The following RAP1GAP2 variants were observed in gnomAD, a reference collection of about 807,000 sequenced individuals.
The protein encoded by RAP1GAP2 is RAP1 GTPase activating protein 2.
A neutral mutation model predicts 95.0 loss-of-function variants in RAP1GAP2; 27 were observed. That is an observed-to-expected ratio of 0.28 (90% confidence interval 0.21 to 0.39). RAP1GAP2 has a LOEUF of 0.39. Ranked by LOEUF, RAP1GAP2 falls within the 10% of genes least tolerant of loss-of-function variation. The pLI is 1.00. For synonymous variants in RAP1GAP2, 373 were observed against 380.9 expected (o/e 0.98, Z 0.24); for missense variants, 771 against 970.0 (o/e 0.79, Z 2.72).
At chr17:2,820,879 G>T (rs1477128551) in intron 2 of RAP1GAP2, among the ~76,000 whole-genome samples, 5 of 32 alleles carry the variant, frequency 0.16, no homozygotes, top group South Asian at 0.5. Context: ...CCGCCACCAC[G>T]GCCCGGATAA....
rs191737895 is a variant in RAP1GAP2 at position 2,867,453 on chromosome 17, C to T, written c.81-37831C>T. On this transcript the variant is annotated intron_variant, in intron 2 of 24. Transcript: ENST00000254695. This position sits in a 1 kb window ranked among gnomAD's most constrained non-coding sequence, Gnocchi z 4.5. The stretch of plus-strand genomic sequence containing the variant: ...CAGGTACCTTATCCACGAAGATGGA[C>T]GATGGCTGCCCTGGGCTGACCTTCT... Among the ~76,000 whole-genome samples the T allele has an allele frequency of 1.9e-4, 29 of 150,866 alleles. No individual in the cohort carries two copies. The East Asian group carries it at 4.1e-3, about 21-fold the overall frequency.
Position 2,903,676 on chromosome 17 carries a change from A to T in RAP1GAP2, c.81-1608A>T, listed in dbSNP as rs1020922745. On this transcript the variant is annotated intron_variant, in intron 2 of 24. Coordinates refer to ENST00000254695, the MANE Select transcript of RAP1GAP2 (RefSeq NM_015085.5). This position sits in a 1 kb window ranked among gnomAD's most constrained non-coding sequence, Gnocchi z 4.1. ...GCAGGAGACAGGGATTGCCAGGTTC[A>T]GGTTAATGGGGTGGAATGGATTCTC... Among the ~76,000 whole-genome samples the T allele has an allele frequency of 6.6e-6, 1 of 152,246 alleles. No individual in the cohort carries two copies. The highest frequency in any genetic ancestry group is 1.9e-4 in the East Asian group (1 of 5,188).
chr17:2,783,564 A>G (rs932695502), intron 1 of RAP1GAP2, among the ~76,000 whole-genome samples: 2 of 152,184 alleles, frequency 1.3e-5, no homozygotes, highest in East Asian at 1.9e-4. Flanking sequence ...GAGTGGCAGG[A>G]GCACAGGCTC....
Position 2,797,714 on chromosome 17 carries a change from G to A in RAP1GAP2, c.44+1143G>A. 1 of 985,398 alleles carries A rather than the reference G, an allele frequency of 1.0e-6. No individual in the cohort carries two copies. Among genetic ancestry groups the A allele is most frequent in the African/African-American group, 1.7e-5 (1 of 57,338 alleles). 61.0% of individuals were successfully genotyped at this position (985,398 alleles called of 1,614,324 possible). On this transcript the variant is annotated intron_variant, in intron 1 of 24. Coordinates refer to ENST00000254695, the MANE Select transcript of RAP1GAP2 (RefSeq NM_015085.5). The surrounding 1 kb of genome is among the most constrained non-coding windows in gnomAD (Gnocchi z 5.6). ...ATGGGATGGTGCGGATGAGAAGATG[G>A]CACAGCGTCGCCTGTGTCTGCTCTC...
chr17:2,938,572 C>T (rs560923119), intron 3 of RAP1GAP2, among the ~76,000 whole-genome samples: 4 of 152,256 alleles, frequency 2.6e-5, no homozygotes, highest in South Asian at 4.1e-4. Flanking sequence ...CCCAGCCATT[C>T]GCTATCTTTA....
chr17:2,958,537 C>T (rs947123307), intron 4 of RAP1GAP2, among the ~76,000 whole-genome samples: 6 of 151,956 alleles, frequency 3.9e-5, no homozygotes, highest in African/African-American at 1.5e-4. Flanking sequence ...GATTGACAGG[C>T]GTCATTTCTT....
At chr17:2,774,392 C>T (rs915543756), upstream of RAP1GAP2, among the ~76,000 whole-genome samples, 1 of 152,020 alleles carries the variant, frequency 6.6e-6, no homozygotes. Flanking sequence ...CAGGTGTCCC[C>T]CTTGAACAGC....
intron 1 of RAP1GAP2, among the ~76,000 whole-genome samples, chr17:2,766,241 T>C (rs138890153): frequency 9.5e-4 from 145 of 152,290 alleles, no homozygotes; most frequent in African/African-American, 3.3e-3. Flanking sequence ...GTCCTTGTTA[T>C]GAACTGAATG....
At chr17:2,879,249 A>G (rs945511585) in intron 2 of RAP1GAP2, among the ~76,000 whole-genome samples, 1 of 151,474 alleles carries the variant, frequency 6.6e-6, no homozygotes, top group Non-Finnish European at 1.5e-5. Flanking sequence ...CCAAGTATCT[A>G]GTTTTACAGG....
At chr17:2,833,476 G>T (rs1351457086) in intron 2 of RAP1GAP2, among the ~76,000 whole-genome samples, 1 of 151,884 alleles carries the variant, frequency 6.6e-6, no homozygotes, top group Non-Finnish European at 1.5e-5. Flanking sequence ...AAGTGCCGAG[G>T]TCAGGAGATC....
intron 2 of RAP1GAP2, among the ~76,000 whole-genome samples, chr17:2,861,587 C>T (rs1372116781): frequency 6.6e-6 from 1 of 151,612 alleles, no homozygotes; most frequent in Non-Finnish European, 1.5e-5. Flanking sequence ...CCTACCTCAG[C>T]CTCCCAAGTA....
chr17:2,890,699 T>C (rs936515690), intron 2 of RAP1GAP2, among the ~76,000 whole-genome samples: 4 of 151,368 alleles, frequency 2.6e-5, no homozygotes, highest in African/African-American at 9.7e-5. Flanking sequence ...TTTTTTTTTT[T>C]TTTGAGACAG....
At chr17:2,849,408 G>A (rs1010976584) in intron 2 of RAP1GAP2, among the ~76,000 whole-genome samples, 10 of 152,194 alleles carry the variant, frequency 6.6e-5, no homozygotes, top group African/African-American at 1.4e-4. Context: ...CGAGGGGCAC[G>A]GGGATTGGGG....
Position 2,825,512 on chromosome 17 carries a change from G to C in RAP1GAP2, c.80+24962G>C, listed in dbSNP as rs1445177149. Reference sequence around the variant, plus strand: ...CTCCTATTTGTAGCCAGCCGCCTCTGTTTTAGGAGCCGGGGATCCCTTTGT... The same window carrying C: ...CTCCTATTTGTAGCCAGCCGCCTCTCTTTTAGGAGCCGGGGATCCCTTTGT... On this transcript the variant is annotated intron_variant, in intron 2 of 24. Transcript: ENST00000254695. This position sits in a 1 kb window ranked among gnomAD's most constrained non-coding sequence, Gnocchi z 4.1. Among the ~76,000 whole-genome samples the C allele has an allele frequency of 6.6e-6, 1 of 152,134 alleles. No individual in the cohort carries two copies. The highest frequency in any genetic ancestry group is 1.5e-5 in the Non-Finnish European group (1 of 68,040).
At chr17:2,954,017 G>A (rs1270302862) in intron 3 of RAP1GAP2, among the ~76,000 whole-genome samples, 1 of 152,128 alleles carries the variant, frequency 6.6e-6, no homozygotes, top group Non-Finnish European at 1.5e-5. Flanking sequence ...GCTTAAGCAA[G>A]CGCTCATCTT....
chr17:2,795,180 T>C (rs1299111496), upstream of RAP1GAP2, among the ~76,000 whole-genome samples: 1 of 151,290 alleles, frequency 6.6e-6, no homozygotes, highest in African/African-American at 2.4e-5. Flanking sequence ...ACCCGGCCTT[T>C]CTTCTTCTTC....
chr17:2,963,944 C>T lies in RAP1GAP2; in HGVS notation c.368C>T (p.Pro123Leu). The T allele has an allele frequency of 6.2e-7, 1 of 1,613,284 alleles. No individual in the cohort carries two copies. The highest frequency in any genetic ancestry group is 8.5e-7 in the Non-Finnish European group (1 of 1,179,768). Reference sequence around the variant, plus strand: ...GAGGACCCGGAGAACGTGGGCACCCCAACATCGCTGGGGAGCAGCATCTGT... The same window carrying T: ...GAGGACCCGGAGAACGTGGGCACCCTAACATCGCTGGGGAGCAGCATCTGT... ...WIEDPENVGT[P>L]TSLGSSICEE... Residue 123 changes from proline to leucine, a missense_variant, in exon 7 of 25, where the codon CCA becomes CTA. Transcript: ENST00000254695. The surrounding 1 kb of genome is among the most constrained non-coding windows in gnomAD (Gnocchi z 4.8).
At chr17:2,929,287 G>T (rs944177738) in intron 3 of RAP1GAP2, among the ~76,000 whole-genome samples, 5 of 152,178 alleles carry the variant, frequency 3.3e-5, no homozygotes, top group Non-Finnish European at 7.3e-5. Context: ...ATTTTTGTCT[G>T]CCTTAGGCTG....
intron 2 of RAP1GAP2, among the ~76,000 whole-genome samples, chr17:2,829,053 G>A (rs543329340): frequency 1.3e-4 from 18 of 135,466 alleles, no homozygotes; most frequent in Non-Finnish European, 2.3e-4. Context: ...CACGATCTGG[G>A]CTCACTGCAA....
Sources: gnomAD v4.1 joint callset for allele counts (sites outside exome capture counted in the v4.1 genomes callset) on GRCh38, gnomAD v4.1.1 for gene constraint, Gnocchi (gnomAD v3.1) non-coding constraint, MANE v1.5 for transcripts, NCBI Gene and HGNC (gene_info 2026-07-23, HGNC 2026-07-21) for gene names.